Variants in PSD3 observed in about 807,000 individuals in gnomAD.
The protein encoded by PSD3 is pleckstrin and Sec7 domain containing 3.
A neutral mutation model predicts 105.5 loss-of-function variants in PSD3; 49 were observed. The observed-to-expected ratio is 0.46, with a 90% CI of 0.37 to 0.59. The LOEUF (loss-of-function observed/expected upper bound fraction) is 0.59. PSD3 is among the 20% of genes least tolerant of loss of function. The pLI is 0.00. For missense variants in PSD3, 1,561 were observed against 1,263.8 expected, an observed-to-expected ratio of 1.24 and a Z score of -3.57; for synonymous variants, 557 against 457.8, an observed-to-expected ratio of 1.22 and a Z score of -2.77.
chr8:18,873,730 T>C (rs1817543273), intron 2 of PSD3, among the ~76,000 whole-genome samples: 2 of 152,116 alleles, frequency 1.3e-5, no homozygotes, highest in Non-Finnish European at 1.5e-5. Flanking sequence ...ACCTCCCCAA[T>C]CCCACCACCC....
intron 9 of PSD3, among the ~76,000 whole-genome samples, chr8:18,680,546 C>G (rs1232735442): frequency 6.6e-6 from 1 of 152,058 alleles, no homozygotes; most frequent in Non-Finnish European, 1.5e-5. Context: ...TAATGAATGC[C>G]GGTCTCCACG....
intron 2 of PSD3, among the ~76,000 whole-genome samples, chr8:18,908,576 G>A (rs992517547): frequency 2.6e-5 from 4 of 152,080 alleles, no homozygotes; most frequent in African/African-American, 4.8e-5. Flanking sequence ...CTGACTTCCC[G>A]TTCTGATCCT....
intron 1 of PSD3, among the ~76,000 whole-genome samples, chr8:19,071,407 C>T (rs1226540681): frequency 6.6e-6 from 1 of 152,090 alleles, no homozygotes; most frequent in Non-Finnish European, 1.5e-5. Context: ...TACCAGCTCC[C>T]CTTTCTTCCT....
chr8:18,687,374 G>C (rs981556145), intron 9 of PSD3, among the ~76,000 whole-genome samples: 1 of 152,116 alleles, frequency 6.6e-6, no homozygotes, highest in African/African-American at 2.4e-5. Context: ...GCTGGGGTGG[G>C]AGGATCACCT....
At chr8:18,541,398 CG>C (rs1259532357) in intron 15 of PSD3, among the ~76,000 whole-genome samples, 2 of 152,100 alleles carry the variant, frequency 1.3e-5, no homozygotes, top group Non-Finnish European at 2.9e-5. Flanking sequence ...AAAAATAACA[CG>C]GATACCCACG....
chr8:18,591,081 C>G (rs1009594253), intron 12 of PSD3, among the ~76,000 whole-genome samples: 1 of 152,088 alleles, frequency 6.6e-6, no homozygotes, highest in African/African-American at 2.4e-5. Flanking sequence ...ACCAAAATAC[C>G]TACTAAGACA....
At chr8:18,610,682 T>A (rs1296451287) in intron 11 of PSD3, among the ~76,000 whole-genome samples, 1 of 152,188 alleles carries the variant, frequency 6.6e-6, no homozygotes, top group Non-Finnish European at 1.5e-5. Context: ...CAATGCATAT[T>A]TTGATAGAGA....
At chr8:18,686,063 A>G (rs1585617174) in intron 9 of PSD3, among the ~76,000 whole-genome samples, 1 of 152,176 alleles carries the variant, frequency 6.6e-6, no homozygotes, top group East Asian at 1.9e-4. Flanking sequence ...AACAAAAACT[A>G]AAACCATATG....
intron 9 of PSD3, 42 bp downstream of exon 9, chr8:18,765,407 G>C (rs372496776): frequency 1.5e-5 from 23 of 1,506,560 alleles, no homozygotes; most frequent in Non-Finnish European, 1.8e-5. Flanking sequence ...GCAGCAAACA[G>C]AAATACAAGC....
At chr8:18,933,306 C>G (rs1821867636) in intron 2 of PSD3, among the ~76,000 whole-genome samples, 1 of 151,962 alleles carries the variant, frequency 6.6e-6, no homozygotes. Flanking sequence ...ACCAAACTCA[C>G]TCACCAAATA....
At chr8:19,052,952 C>A (rs926531199) in intron 1 of PSD3, among the ~76,000 whole-genome samples, 2 of 152,124 alleles carry the variant, frequency 1.3e-5, no homozygotes, top group African/African-American at 4.8e-5. Context: ...CTGACAATGA[C>A]AAATTCCCCA....
At chr8:18,793,933 T>C (rs939476002) in intron 8 of PSD3, among the ~76,000 whole-genome samples, 1 of 151,866 alleles carries the variant, frequency 6.6e-6, no homozygotes, top group Non-Finnish European at 1.5e-5. Flanking sequence ...AAATATAAAA[T>C]AGCACAATAT....
rs181969986 is a variant in PSD3, at chr8:18,945,360, A to G, written c.22-9218T>C. Among the ~76,000 whole-genome samples the G allele has an allele frequency of 1.4e-3, 216 of 152,354 alleles. No individual in the cohort carries two copies. The South Asian group carries it at 0.016, about 12-fold the overall frequency. ...TCATGAGACAGAAGCATAGAAAAGT[A>G]GAGCCAGAGATAAGATACTACAACA... On this transcript the variant is annotated intron_variant, in intron 1 of 15. Coordinates refer to ENST00000327040, the MANE Select transcript of PSD3 (RefSeq NM_015310.4).
intron 2 of PSD3, among the ~76,000 whole-genome samples, chr8:18,930,759 G>A (rs986506194): frequency 2.6e-5 from 4 of 151,768 alleles, no homozygotes; most frequent in Non-Finnish European, 5.9e-5. Flanking sequence ...TAGTAGAGAC[G>A]GGGTTTCACC....
intron 9 of PSD3, among the ~76,000 whole-genome samples, chr8:18,720,447 G>C (rs1802891704): frequency 6.6e-6 from 1 of 152,122 alleles, no homozygotes; most frequent in Admixed American, 6.6e-5. Flanking sequence ...TAAGAAACCA[G>C]AGTTAAAAAC....
Position 18,529,883 on chromosome 8 carries a change from C to A in PSD3, c.*5860G>T, listed in dbSNP as rs1254657727. The stretch of plus-strand genomic sequence containing the variant: ...GGAAATACTCTCGCAAAACTAAGAC[C>A]CTGCCAATCATTCACAGAGCCAGTC... On this transcript the variant is annotated 3_prime_UTR_variant, in exon 16 of 16. Transcript: ENST00000327040. The A allele has an allele frequency of 6.6e-6, 1 of 152,332 alleles. No homozygotes were observed. Among genetic ancestry groups the A allele is most frequent in the Non-Finnish European group, 1.5e-5 (1 of 68,040 alleles). The allele number at this position is 152,332 out of a possible 1,614,324, so 9.4% of individuals were successfully genotyped here. A position where few individuals can be genotyped will look rare whatever the true frequency, so the allele number is the denominator to read the frequency against.
intron 8 of PSD3, among the ~76,000 whole-genome samples, chr8:18,785,009 C>A (rs1808997427): frequency 6.6e-6 from 1 of 152,114 alleles, no homozygotes; most frequent in Non-Finnish European, 1.5e-5. Context: ...CCCTAACAAC[C>A]TGTCCCCTTG....
At chr8:18,699,090 G>T (rs909288947) in intron 9 of PSD3, among the ~76,000 whole-genome samples, 4 of 152,106 alleles carry the variant, frequency 2.6e-5, no homozygotes, top group Non-Finnish European at 4.4e-5. Flanking sequence ...ATGGTACAGG[G>T]TTGTTTCTGG....
At chr8:19,011,334 T>C (rs563798725) in intron 1 of PSD3, among the ~76,000 whole-genome samples, 7 of 152,230 alleles carry the variant, frequency 4.6e-5, no homozygotes, top group Non-Finnish European at 1.0e-4. Flanking sequence ...TGAATTTCTA[T>C]AAAAGAAAAA....
Sources: allele counts gnomAD v4.1 joint callset (sites outside exome capture counted in the v4.1 genomes callset), GRCh38; gene constraint gnomAD v4.1.1; transcripts MANE v1.5; gene names NCBI Gene and HGNC (gene_info 2026-07-23, HGNC 2026-07-21).